OTOG: variants seen among roughly 807,000 people sequenced by gnomAD.
The protein encoded by OTOG is otogelin.
A neutral mutation model predicts 313.8 loss-of-function variants in OTOG; 296 were observed. The ratio of observed to expected loss-of-function variants is 0.94; its 90% CI spans 0.86 to 1.04. The LOEUF is 1.04. Ranked by LOEUF, OTOG falls within the 50% of genes least tolerant of loss-of-function variation. The probability of loss-of-function intolerance (pLI) is 0.00; values close to 1 mark genes in which losing one functional copy is unlikely to be tolerated. For synonymous variants in OTOG, 1,533 were observed against 1,554.9 expected (o/e 0.99, Z 0.33); for missense variants, 3,948 against 3,840.1 (o/e 1.03, Z -0.74).
intron 15 of OTOG, among the ~76,000 whole-genome samples, chr11:17,565,326 T>C (rs1852274389): frequency 6.6e-6 from 1 of 152,208 alleles, no homozygotes; most frequent in South Asian, 2.1e-4. Context: ...ATGGTTTGAC[T>C]GGGGTTATGG....
chr11:17,590,010 C>A (rs1051503242), intron 24 of OTOG, among the ~76,000 whole-genome samples: 1 of 152,170 alleles, frequency 6.6e-6, no homozygotes, highest in Non-Finnish European at 1.5e-5. Flanking sequence ...GGTTCTTCCT[C>A]TTCTCCAACC....
At chr11:17,597,253 G>C (rs1853133850) in intron 30 of OTOG, among the ~76,000 whole-genome samples, 1 of 152,186 alleles carries the variant, frequency 6.6e-6, no homozygotes, top group South Asian at 2.1e-4. Flanking sequence ...AAGGTTAGTG[G>C]AGGAGCCAGG....
chr11:17,561,757 C>T lies in OTOG; in HGVS notation c.1594C>T (p.Arg532Cys), dbSNP rs758092389. The T allele has an allele frequency of 1.2e-4, 189 of 1,550,418 alleles. No individual in the cohort carries two copies. The highest frequency in any genetic ancestry group is 1.5e-4 in the Non-Finnish European group (176 of 1,146,998). ...ATCQYILAKS[R>C]SSGTFTVTLQ... ...ATGTCAGTACATCCTGGCCAAGAGCCGCTCTTCGGGCACCTTCACCGTGAC... is the reference window on the plus strand; with the variant it reads ...ATGTCAGTACATCCTGGCCAAGAGCTGCTCTTCGGGCACCTTCACCGTGAC... Residue 532 changes from arginine (R) to cysteine (C), a missense_variant, in exon 15 of 56, where the codon CGC (arginine) becomes TGC (cysteine). Physicochemically the swap from Arg to Cys is radical, Grantham distance 180 (BLOSUM62 -3). Transcript: ENST00000399397.
chr11:17,635,421 T>A (rs1034734597), intron 46 of OTOG, among the ~76,000 whole-genome samples, 189 bp from the exon 47 acceptor site: 1 of 152,106 alleles, frequency 6.6e-6, no homozygotes, highest in Non-Finnish European at 1.5e-5. Context: ...GTGTAAGCCT[T>A]TGGGTGGACA....
chr11:17,605,724 G>C, intron 32 of OTOG, 133 bp from the exon 33 acceptor site: 1 of 987,620 alleles, frequency 1.0e-6, no homozygotes, highest in East Asian at 2.7e-5. Flanking sequence ...GCTGGTGTAG[G>C]GGGCAGGGCC....
intron 53 of OTOG, among the ~76,000 whole-genome samples, chr11:17,643,010 G>A (rs1848005919): frequency 6.6e-6 from 1 of 152,218 alleles, no homozygotes; most frequent in South Asian, 2.1e-4. Flanking sequence ...TATAGAGGAG[G>A]AGGGTTTTAA....
intron 15 of OTOG, among the ~76,000 whole-genome samples, chr11:17,565,102 C>T (rs963134363): frequency 3.3e-5 from 5 of 152,154 alleles, no homozygotes; most frequent in Non-Finnish European, 7.3e-5. Context: ...AGCCAAAGTG[C>T]ATACCTTATT....
intron 13 of OTOG, 98 bp from the exon 14 acceptor site, chr11:17,560,991 TAG>T (rs1852170232): frequency 7.3e-7 from 1 of 1,373,256 alleles, no homozygotes; most frequent in Non-Finnish European, 1.0e-6. Flanking sequence ...CCACCCATTT[TAG>T]AGATGGGAAG....
In OTOG at chr11:17,561,607, G is replaced by A. The variant is rs565833132; in HGVS notation, c.1499-55G>A. On this transcript the variant is annotated intron_variant, in intron 14 of 55. Transcript: ENST00000399397. ...CCTCCTCATACTTGGAGCTTGCAGG[G>A]CAGAGTTCCCCTGGGGCGGCTCCCA... The A allele has an allele frequency of 4.5e-5, 70 of 1,540,578 alleles. No homozygotes were observed. In the East Asian group the frequency reaches 1.2e-3, roughly 26 times the overall value.
At chr11:17,583,329 G>A (rs1590019492) in intron 23 of OTOG, among the ~76,000 whole-genome samples, 1 of 151,952 alleles carries the variant, frequency 6.6e-6, no homozygotes, top group African/African-American at 2.4e-5. Flanking sequence ...AGAGATGGGG[G>A]CTTTGCTATG....
chr11:17,642,707 T>TG (rs1565132271), intron 53 of OTOG, among the ~76,000 whole-genome samples: 1 of 152,240 alleles, frequency 6.6e-6, no homozygotes, highest in Non-Finnish European at 1.5e-5. Flanking sequence ...ACTGTCAGTA[T>TG]GGGCGCACCT....
At chr11:17,582,597 T>C (rs1471617954) in intron 23 of OTOG, among the ~76,000 whole-genome samples, 2 of 152,236 alleles carry the variant, frequency 1.3e-5, no homozygotes, top group African/African-American at 4.8e-5. Context: ...TATATGAGAA[T>C]CTGACTGTTC....
chr11:17,635,153 C>G lies in OTOG; in HGVS notation c.7659C>G (p.Arg2553=), dbSNP rs1182752124. Residue 2553 remains arginine, a synonymous_variant, in exon 46 of 56, where the codon CGC becomes CGG. Coordinates refer to ENST00000399397, the MANE Select transcript of OTOG (RefSeq NM_001292063.2). ...CRQDQILITG[R]LGDSCCTSYF... Reference sequence around the variant, plus strand: ...AGGACCAGATCCTGATCACGGGCCGCCTGGGGGACTCCTGCTGCACCTCCT... The same window carrying G: ...AGGACCAGATCCTGATCACGGGCCGGCTGGGGGACTCCTGCTGCACCTCCT... The G allele has an allele frequency of 6.5e-7, 1 of 1,548,270 alleles. No homozygotes were observed. Among genetic ancestry groups the G allele is most frequent in the South Asian group, 1.2e-5 (1 of 84,018 alleles).
rs1565091664 is a variant in OTOG at position 17,559,051 on chromosome 11, G to A, written c.1104-1G>A. On this transcript the variant is annotated splice_acceptor_variant, in intron 10 of 55. Transcript: ENST00000399397. LOFTEE classifies it high-confidence loss of function. Reference sequence around the variant, plus strand: ...GTGTGACCCTTGGTTTCTCTGCACAGATCAATGGGTGATGTAGCCACCTGG... The same window carrying A: ...GTGTGACCCTTGGTTTCTCTGCACAAATCAATGGGTGATGTAGCCACCTGG... 2.6e-6 allele frequency: 4 copies of A among 1,548,228 alleles called. No homozygotes were observed. The highest frequency in any genetic ancestry group is 3.5e-6 in the Non-Finnish European group (4 of 1,146,564).
chr11:17,634,909 C>T lies in OTOG; in HGVS notation c.7546C>T (p.His2516Tyr). Residue 2516 changes from histidine to tyrosine, a missense_variant, in exon 45 of 56, where the codon CAC (histidine) becomes TAC (tyrosine). Coordinates refer to ENST00000399397, the MANE Select transcript of OTOG (RefSeq NM_001292063.2). ...CCGCCCAGGCCACCGCCTCCTCACCCACTTCCAGGAGGACTCCTGCTGCCC... is the reference window on the plus strand; with the variant it reads ...CCGCCCAGGCCACCGCCTCCTCACCTACTTCCAGGAGGACTCCTGCTGCCC... ...TCRPGHRLLT[H>Y]FQEDSCCPSY... 6.5e-7 allele frequency: 1 copy of T among 1,546,276 alleles called. No homozygotes were observed. Among genetic ancestry groups the T allele is most frequent in the Admixed American group, 2.0e-5 (1 of 50,796 alleles).
intron 39 of OTOG, among the ~76,000 whole-genome samples, chr11:17,628,280 A>C (rs1328986813): frequency 3.9e-5 from 6 of 152,172 alleles, no homozygotes; most frequent in Admixed American, 3.9e-4. Context: ...ATTTGTTTCA[A>C]GAAAAGTTTC....
chr11:17,599,227 G>A (rs1853185409), intron 30 of OTOG, among the ~76,000 whole-genome samples: 1 of 152,218 alleles, frequency 6.6e-6, no homozygotes, highest in Admixed American at 6.5e-5. Flanking sequence ...AGCCGGGGAT[G>A]CTGGGGGCTC....
intron 28 of OTOG, among the ~76,000 whole-genome samples, chr11:17,594,396 G>A (rs1366665585): frequency 1.3e-5 from 2 of 152,192 alleles, no homozygotes; most frequent in African/African-American, 4.8e-5. Flanking sequence ...CCAAGCCCTG[G>A]TAGGGTGGTG....
At chr11:17,620,379 A>G (rs1204999639) in intron 39 of OTOG, among the ~76,000 whole-genome samples, 1 of 152,150 alleles carries the variant, frequency 6.6e-6, no homozygotes, top group African/African-American at 2.4e-5. Flanking sequence ...ACTGAGCTCC[A>G]TGTTTTGGGG....
Sources: allele counts gnomAD v4.1 joint callset (sites outside exome capture counted in the v4.1 genomes callset), GRCh38; gene constraint gnomAD v4.1.1; transcripts MANE v1.5; gene names NCBI Gene and HGNC (gene_info 2026-07-23, HGNC 2026-07-21).